Variants in NAPA observed in about 807,000 individuals in gnomAD.
NAPA encodes the protein NSF attachment protein alpha, also known as alpha-soluble NSF attachment protein.
Under a neutral mutation model 48.0 loss-of-function variants are expected in NAPA, and 18 were observed. The ratio of observed to expected loss-of-function variants is 0.38; its 90% CI spans 0.26 to 0.56. The LOEUF (loss-of-function observed/expected upper bound fraction) is 0.56, where lower values mean the gene tolerates loss of function less well. Among genes scored for constraint, NAPA ranks in the 20% least tolerant of loss-of-function variants. The pLI is 0.77. For synonymous variants in NAPA, 152 were observed against 149.9 expected, an observed-to-expected ratio of 1.01 and a Z score of -0.10; for missense variants, 315 against 385.0, an observed-to-expected ratio of 0.82 and a Z score of 1.52.
intron 4 of NAPA, among the ~76,000 whole-genome samples, chr19:47,494,178 T>C (rs1395669494): frequency 6.6e-6 from 1 of 152,182 alleles, no homozygotes; most frequent in South Asian, 2.1e-4. Flanking sequence ...CGGGTCTCAG[T>C]GACTCCTGCT....
chr19:47,503,575 G>A, intron 1 of NAPA, 73 bp from the exon 2 acceptor site: 1 of 1,440,284 alleles, frequency 6.9e-7, no homozygotes, highest in Admixed American at 1.7e-5. Flanking sequence ...TTCTGCTCCA[G>A]TGCCGGGCAC....
At chr19:47,499,654 G>A (rs937505938) in intron 3 of NAPA, among the ~76,000 whole-genome samples, 1 of 152,252 alleles carries the variant, frequency 6.6e-6, no homozygotes, top group Non-Finnish European at 1.5e-5. Context: ...TCTAAGGACA[G>A]AGAAGAGCTA....
At chr19:47,486,009 G>C (rs983578253), downstream of NAPA, among the ~76,000 whole-genome samples, 5 of 152,162 alleles carry the variant, frequency 3.3e-5, no homozygotes, top group Admixed American at 6.5e-5. Context: ...ATCCTGTTAA[G>C]AGGTTTCCAA....
At chr19:47,484,980 G>A (rs1343962153), downstream of NAPA, among the ~76,000 whole-genome samples, 1 of 152,140 alleles carries the variant, frequency 6.6e-6, no homozygotes, top group African/African-American at 2.4e-5. Context: ...GATTATAGGC[G>A]TGAGCCCCCT....
At chr19:47,494,057 C>G (rs1158083166) in intron 4 of NAPA, among the ~76,000 whole-genome samples, 1 of 152,232 alleles carries the variant, frequency 6.6e-6, no homozygotes, top group Non-Finnish European at 1.5e-5. Context: ...CGCCTCCACC[C>G]AGTGTCCAGG....
rs1251662920 is a variant in NAPA, at chr19:47,488,154, C to G, written c.*134G>C. The G allele has an allele frequency of 1.3e-6, 1 of 765,966 alleles. No homozygotes were observed. Among genetic ancestry groups the G allele is most frequent in the East Asian group, 2.6e-5 (1 of 37,960 alleles). The allele number at this position is 765,966 out of a possible 1,614,324, so 47.4% of individuals were successfully genotyped here. ...CTCTGGCGCCCCTGCATGCTGACCC[C>G]CGGTGCCACCTGCCCACTGTGGCCC... On this transcript the variant is annotated 3_prime_UTR_variant, in exon 11 of 11. Coordinates refer to ENST00000263354, the MANE Select transcript of NAPA (RefSeq NM_003827.4).
At chr19:47,510,137 C>G (rs1968778130) in intron 1 of NAPA, among the ~76,000 whole-genome samples, 1 of 152,196 alleles carries the variant, frequency 6.6e-6, no homozygotes, top group East Asian at 1.9e-4. Flanking sequence ...TGTGATTCAC[C>G]AGGGTGCCCA....
In NAPA at chr19:47,493,634, G is replaced by C; in HGVS notation, c.343-141C>G. The C allele has an allele frequency of 1.4e-6, 1 of 714,122 alleles. No homozygotes were observed. Among genetic ancestry groups the C allele is most frequent in the Non-Finnish European group, 2.5e-6 (1 of 402,234 alleles). The allele number at this position is 714,122 out of a possible 1,614,324, so 44.2% of individuals were successfully genotyped here. On this transcript the variant is annotated intron_variant, in intron 4 of 10. Transcript: ENST00000263354. The surrounding 1 kb of genome is among the most constrained non-coding windows in gnomAD (Gnocchi z 6.4). ...GAAGACCTGAGGTGTGAAGAAGATC[G>C]AGAGGTGGGGGAACACAGGAGTGAG...
intron 1 of NAPA, among the ~76,000 whole-genome samples, 174 bp downstream of exon 1, chr19:47,514,669 G>A (rs1465955064): frequency 6.6e-6 from 1 of 152,126 alleles, no homozygotes; most frequent in Non-Finnish European, 1.5e-5. Flanking sequence ...CCCCGGCCCA[G>A]GCTCTTGGCC....
intron 3 of NAPA, among the ~76,000 whole-genome samples, chr19:47,499,523 A>G (rs1220001136): frequency 6.6e-6 from 1 of 152,248 alleles, no homozygotes; most frequent in Admixed American, 6.5e-5. Flanking sequence ...CCAGCCAGGC[A>G]AGCCCCATGG....
intron 1 of NAPA, among the ~76,000 whole-genome samples, chr19:47,510,796 G>A (rs1053113227): frequency 2.0e-5 from 3 of 152,194 alleles, no homozygotes; most frequent in Non-Finnish European, 4.4e-5. Flanking sequence ...ATCCCCTTCT[G>A]CTGCTGGCTC....
downstream of NAPA, among the ~76,000 whole-genome samples, chr19:47,484,891 G>T (rs1002386214): frequency 6.6e-6 from 1 of 151,934 alleles, no homozygotes; most frequent in Non-Finnish European, 1.5e-5. Flanking sequence ...GTAGAGATGG[G>T]GTTTCGCCAT....
At chr19:47,491,077 T>C (rs1599892795) in intron 8 of NAPA, 1 of 484,354 alleles carries the variant, frequency 2.1e-6, no homozygotes, top group Admixed American at 3.9e-5. Flanking sequence ...GAGAGGTGGG[T>C]GGAGGGGGAA....
chr19:47,510,596 G>C (rs1162274880), intron 1 of NAPA, among the ~76,000 whole-genome samples: 2 of 152,204 alleles, frequency 1.3e-5, no homozygotes, highest in East Asian at 3.8e-4. Context: ...TATCCAAGAG[G>C]AAGGAAGTTT....
intron 1 of NAPA, among the ~76,000 whole-genome samples, chr19:47,509,409 C>T (rs946520885): frequency 5.3e-5 from 8 of 152,048 alleles, no homozygotes; most frequent in Admixed American, 1.3e-4. Flanking sequence ...CTGGCCTCAG[C>T]GCCAGCTCAT....
At chr19:47,486,152 T>G (rs1171827641), downstream of NAPA, among the ~76,000 whole-genome samples, 1 of 152,110 alleles carries the variant, frequency 6.6e-6, no homozygotes, top group Non-Finnish European at 1.5e-5. Context: ...GTCAGGAGTT[T>G]GAGACCAGCC....
chr19:47,495,922 G>T (rs1311678636), intron 3 of NAPA: 9 of 343,164 alleles, frequency 2.6e-5, no homozygotes, highest in Non-Finnish European at 5.0e-5. Context: ...TGCTAGGCCA[G>T]GATGATGGCC....
intron 4 of NAPA, among the ~76,000 whole-genome samples, chr19:47,494,483 A>G (rs1329540959): frequency 6.6e-6 from 1 of 152,076 alleles, no homozygotes; most frequent in African/African-American, 2.4e-5. Context: ...CATGCCTGCA[A>G]TCCCAGCACT....
intron 10 of NAPA, chr19:47,488,608 T>G: frequency 2.7e-6 from 1 of 369,284 alleles, no homozygotes; most frequent in East Asian, 4.0e-5. Flanking sequence ...GAGAAAGATA[T>G]TGTAGCTTTA....
Sources: allele counts gnomAD v4.1 joint callset (sites outside exome capture counted in the v4.1 genomes callset), GRCh38; gene constraint gnomAD v4.1.1; non-coding constraint Gnocchi (gnomAD v3.1); transcripts MANE v1.5; gene names NCBI Gene and HGNC (gene_info 2026-07-23, HGNC 2026-07-21).